Variants in UBE3B observed in about 807,000 individuals in gnomAD.
The protein encoded by UBE3B is ubiquitin-protein ligase E3B.
Under a neutral mutation model 132.3 loss-of-function variants are expected in UBE3B, and 80 were observed. The ratio of observed to expected loss-of-function variants is 0.60; its 90% CI spans 0.50 to 0.73. UBE3B has a LOEUF of 0.73. Ranked by LOEUF, UBE3B falls within the 30% of genes least tolerant of loss-of-function variation. The probability of loss-of-function intolerance (pLI) is 0.00; values close to 1 mark genes in which losing one functional copy is unlikely to be tolerated. For synonymous variants in UBE3B, 487 were observed against 520.4 expected, an observed-to-expected ratio of 0.94 and a Z score of 0.87; for missense variants, 1,196 against 1,362.5, an observed-to-expected ratio of 0.88 and a Z score of 1.92.
intron 18 of UBE3B, among the ~76,000 whole-genome samples, chr12:109,516,147 T>G (rs1400141645): frequency 2.0e-5 from 3 of 150,798 alleles, no homozygotes; most frequent in Non-Finnish European, 4.4e-5. Context: ...ATGAGGAGGA[T>G]TTTCTTTTTT....
At position 109,499,621 on chromosome 12, in the gene UBE3B, C is replaced by T. The variant is rs1276126915; in HGVS notation, c.941-12C>T. On this transcript the variant is annotated splice_polypyrimidine_tract_variant and intron_variant, in intron 11 of 27. Coordinates refer to ENST00000342494, the MANE Select transcript of UBE3B (RefSeq NM_130466.4). The stretch of plus-strand genomic sequence containing the variant: ...GTCTGGGCCCATCACACTCAGCCTT[C>T]TCTCTCTGTAGGCAACCTCCTACAC... 6.3e-7 allele frequency: 1 copy of T among 1,576,756 alleles called. No individual in the cohort carries two copies. The highest frequency in any genetic ancestry group is 1.4e-5 in the African/African-American group (1 of 72,626).
At chr12:109,511,630 T>C (rs1232772169) in intron 18 of UBE3B, among the ~76,000 whole-genome samples, 2 of 152,162 alleles carry the variant, frequency 1.3e-5, no homozygotes, top group African/African-American at 4.8e-5. Flanking sequence ...GATGAGGTGC[T>C]TTTGGAGAGT....
the UBE3B span, among the ~76,000 whole-genome samples, chr12:109,542,704 G>A: frequency 9.2e-5 from 14 of 152,140 alleles, no homozygotes; most frequent in East Asian, 3.9e-4. Flanking sequence ...GCCAAGGAAC[G>A]CAGGGACTTC....
chr12:109,541,646 CACA>C (rs1353013638), downstream of UBE3B, among the ~76,000 whole-genome samples: 1 of 152,200 alleles, frequency 6.6e-6, no homozygotes, highest in Non-Finnish European at 1.5e-5. Context: ...TGCAACAAAT[CACA>C]ACAAGCCGGG....
rs986372911 is a variant in UBE3B at position 109,530,676 on chromosome 12, T to G, written c.2922+18T>G. The G allele has an allele frequency of 6.2e-7, 1 of 1,602,408 alleles. No individual in the cohort carries two copies. The highest frequency in any genetic ancestry group is 8.6e-7 in the Non-Finnish European group (1 of 1,169,576). On this transcript the variant is annotated intron_variant, in intron 26 of 27. Coordinates refer to ENST00000342494, the MANE Select transcript of UBE3B (RefSeq NM_130466.4). The stretch of plus-strand genomic sequence containing the variant: ...TTCTGAAGGTATTTTATTTATTACC[T>G]ATGCATGCATGCATGTATTCTCATA...
At chr12:109,518,004 A>G in intron 19 of UBE3B, 1 of 418,024 alleles carries the variant, frequency 2.4e-6, no homozygotes, top group Non-Finnish European at 5.0e-6. Context: ...TGTTTCTGAC[A>G]TTCTTCAAGG....
chr12:109,534,316 G>A lies in UBE3B; in HGVS notation c.3016-275G>A. 2 of 1,400,064 alleles carry A rather than the reference G, an allele frequency of 1.4e-6. No individual in the cohort carries two copies. Among genetic ancestry groups the A allele is most frequent in the Non-Finnish European group, 9.2e-7 (1 of 1,081,218 alleles). The allele number at this position is 1,400,064 out of a possible 1,614,324, so 86.7% of individuals were successfully genotyped here. A position where few individuals can be genotyped will look rare whatever the true frequency, so the allele number is the denominator to read the frequency against. On this transcript the variant is annotated intron_variant, in intron 27 of 27. Transcript: ENST00000342494. The surrounding 1 kb of genome is among the most constrained non-coding windows in gnomAD (Gnocchi z 5.2). ...CTACTTTTTGTCAATTGGTTAACCAGTAATTCGCTGTGAACCGGAAGGCCC... is the reference window on the plus strand; with the variant it reads ...CTACTTTTTGTCAATTGGTTAACCAATAATTCGCTGTGAACCGGAAGGCCC...
Position 109,533,482 on chromosome 12 carries a change from C to T in UBE3B, c.2939C>T (p.Ser980Phe), listed in dbSNP as rs1165351893. ...GTGTTGCAGTTCGTGACCAGCTGCT[C>T]CAGACCCCCGCTCCTGGGATTCGCC... ...AMFLKFVTSCSRPPLLGFAYL... is the reference protein window; with the variant it reads ...AMFLKFVTSCFRPPLLGFAYL... The change falls in exon 27 of 28, where the codon TCC becomes TTC. Residue 980 changes from serine (S) to phenylalanine (F), a missense_variant. Physicochemically the swap from Ser to Phe is radical, Grantham distance 155 (BLOSUM62 -2). Coordinates refer to ENST00000342494, the MANE Select transcript of UBE3B (RefSeq NM_130466.4). The T allele has an allele frequency of 6.2e-7, 1 of 1,614,144 alleles. No homozygotes were observed. Among genetic ancestry groups the T allele is most frequent in the Non-Finnish European group, 8.5e-7 (1 of 1,180,020 alleles).
intron 14 of UBE3B, among the ~76,000 whole-genome samples, chr12:109,503,508 A>G (rs7307917): frequency 6.6e-6 from 1 of 152,162 alleles, no homozygotes; most frequent in Non-Finnish European, 1.5e-5. Context: ...GAAAAAGAAA[A>G]CCACTTTTAA....
the UBE3B span, among the ~76,000 whole-genome samples, chr12:109,541,776 C>A: frequency 5.9e-5 from 9 of 152,224 alleles, no homozygotes; most frequent in African/African-American, 2.2e-4. Context: ...TGCCCTGCCT[C>A]TTCTAGCTTC....
At chr12:109,507,522 G>A in intron 14 of UBE3B, 42 bp from the exon 15 acceptor site, 2 of 1,587,754 alleles carry the variant, frequency 1.3e-6, no homozygotes, top group South Asian at 2.3e-5. Flanking sequence ...AGACCAGGTG[G>A]AGTCTCCACC....
At chr12:109,530,886 C>T (rs778142511) in intron 26 of UBE3B, among the ~76,000 whole-genome samples, 1 of 152,214 alleles carries the variant, frequency 6.6e-6, no homozygotes, top group Non-Finnish European at 1.5e-5. Context: ...GACAGGCCCC[C>T]TGCACAGGTG....
chr12:109,521,531 C>T lies in UBE3B; in HGVS notation c.2344C>T (p.Leu782=), dbSNP rs760038282. ...GCTCTTCGAGTTTGTGGGGAAGATG[C>T]TGGGGAAGGCTGTGTATGAGGTAGG... ...LQLFEFVGKM[L]GKAVYEGIVV... Residue 782 remains leucine, a synonymous_variant, in exon 21 of 28, where the codon CTG becomes TTG. Transcript: ENST00000342494. The surrounding 1 kb of genome is among the most constrained non-coding windows in gnomAD (Gnocchi z 4.2). 2 of 1,594,830 alleles carry T rather than the reference C, an allele frequency of 1.3e-6. No individual in the cohort carries two copies. Among genetic ancestry groups the T allele is most frequent in the African/African-American group, 2.7e-5 (2 of 74,250 alleles).
the UBE3B span, among the ~76,000 whole-genome samples, chr12:109,546,142 G>A: frequency 2.0e-5 from 3 of 152,184 alleles, no homozygotes; most frequent in Non-Finnish European, 4.4e-5. Flanking sequence ...ATTAGGTGGT[G>A]TGTGGAGGGT....
At chr12:109,489,838 T>A in intron 7 of UBE3B, 81 bp from the exon 8 acceptor site, 1 of 1,324,854 alleles carries the variant, frequency 7.5e-7, no homozygotes. Flanking sequence ...GCCTCGGATG[T>A]GGGACACAAT....
At chr12:109,517,035 T>C in intron 19 of UBE3B, 151 bp downstream of exon 19, 6 of 1,239,140 alleles carry the variant, frequency 4.8e-6, no homozygotes, top group Non-Finnish European at 6.5e-6. Flanking sequence ...TCATTTGTCC[T>C]GTTGACTGCT....
At chr12:109,509,277 T>C (rs1045099634) in intron 15 of UBE3B, 5 of 165,568 alleles carry the variant, frequency 3.0e-5, no homozygotes, top group African/African-American at 1.2e-4. Context: ...TATTTTACTT[T>C]AAGTTCTAGG....
chr12:109,527,763 T>A (rs1433171712), intron 24 of UBE3B, among the ~76,000 whole-genome samples: 2 of 152,204 alleles, frequency 1.3e-5, no homozygotes, highest in Non-Finnish European at 1.5e-5. Context: ...GTCCTGCCCC[T>A]GCCTGCCATG....
At chr12:109,533,390 G>A in intron 26 of UBE3B, 76 bp from the exon 27 acceptor site, 2 of 1,326,188 alleles carry the variant, frequency 1.5e-6, no homozygotes. Flanking sequence ...GCAAACACGT[G>A]CTACACAGCT....
Sources: gnomAD v4.1 joint callset for allele counts (sites outside exome capture counted in the v4.1 genomes callset) on GRCh38, gnomAD v4.1.1 for gene constraint, Gnocchi (gnomAD v3.1) non-coding constraint, MANE v1.5 for transcripts, NCBI Gene and HGNC (gene_info 2026-07-23, HGNC 2026-07-21) for gene names.